HDAC2: variants seen among roughly 807,000 people sequenced by gnomAD.
HDAC2 encodes the protein YY1-associated factor 1.
In HDAC2, 5 loss-of-function variants were observed where a neutral mutation model predicts 68.5. That is an observed-to-expected ratio of 0.07 (90% CI 0.04 to 0.15). HDAC2 has a LOEUF of 0.15. HDAC2 is among the 10% of genes least tolerant of loss of function. HDAC2 has a pLI of 1.00. For missense variants in HDAC2, 291 were observed against 600.8 expected (o/e 0.48, Z 5.39); for synonymous variants, 182 against 191.3 (o/e 0.95, Z 0.40).
intron 1 of HDAC2, among the ~76,000 whole-genome samples, chr6:113,963,523 A>C (rs1776740791): frequency 6.6e-6 from 1 of 152,216 alleles, no homozygotes. Flanking sequence ...GATTATCCCT[A>C]ATCCAAAAAT....
At chr6:113,951,413 T>C (rs1377164505) in intron 6 of HDAC2, among the ~76,000 whole-genome samples, 2 of 151,890 alleles carry the variant, frequency 1.3e-5, no homozygotes, top group Non-Finnish European at 2.9e-5. Flanking sequence ...TACGAAGTTA[T>C]GGGGACATGC....
chr6:113,953,041 A>C (rs1356383139), intron 6 of HDAC2, among the ~76,000 whole-genome samples: 5 of 152,216 alleles, frequency 3.3e-5, no homozygotes, highest in East Asian at 1.9e-4. Context: ...ATATTCAAAA[A>C]CATTTATTCA....
chr6:113,955,105 TC>T (rs1776517897), intron 5 of HDAC2, among the ~76,000 whole-genome samples: 2 of 152,188 alleles, frequency 1.3e-5, no homozygotes, highest in Non-Finnish European at 2.9e-5. Flanking sequence ...AATATAAACT[TC>T]CAAGGTCATT....
intron 1 of HDAC2, 194 bp downstream of exon 1, chr6:113,970,663 G>C: frequency 7.4e-7 from 1 of 1,349,884 alleles, no homozygotes; most frequent in Non-Finnish European, 9.4e-7. Flanking sequence ...ATTCCCGCCC[G>C]CAGGAACCGC....
chr6:113,966,398 A>G (rs1432467503), intron 1 of HDAC2, among the ~76,000 whole-genome samples: 2 of 152,050 alleles, frequency 1.3e-5, no homozygotes, highest in Non-Finnish European at 2.9e-5. Flanking sequence ...TAAAAAATAC[A>G]AAAATTAGCC....
intron 9 of HDAC2, 129 bp from the exon 10 acceptor site, chr6:113,945,599 G>T: frequency 1.5e-6 from 1 of 671,148 alleles, no homozygotes; most frequent in Non-Finnish European, 2.7e-6. Flanking sequence ...CAAAGTGAAT[G>T]TTCTCCTATT....
intron 8 of HDAC2, 28 bp downstream of exon 8, chr6:113,948,951 T>C: frequency 6.2e-7 from 1 of 1,602,262 alleles, no homozygotes. Context: ...CATTTTTTTC[T>C]GGAAATACCA....
chr6:113,961,534 G>A (rs1423081769), intron 1 of HDAC2, among the ~76,000 whole-genome samples: 1 of 152,096 alleles, frequency 6.6e-6, no homozygotes, highest in Non-Finnish European at 1.5e-5. Context: ...GCAGGGCCAT[G>A]GCCCTTTGCA....
Position 113,939,844 on chromosome 6 carries a change from G to C in HDAC2, c.*1214C>G, listed in dbSNP as rs1225699908. The C allele has an allele frequency of 6.6e-6, 1 of 152,172 alleles. No homozygotes were observed. The highest frequency in any genetic ancestry group is 2.4e-5 in the African/African-American group (1 of 41,440). 9.4% of individuals were successfully genotyped at this position (152,172 alleles called of 1,614,324 possible). A position where few individuals can be genotyped will look rare whatever the true frequency, so the allele number is the denominator to read the frequency against. The stretch of plus-strand genomic sequence containing the variant: ...ATTACAAAAGTCTAGGTGCTATTGT[G>C]AATGTCTGAAACATTTAAGAGGCTT... On this transcript the variant is annotated 3_prime_UTR_variant, in exon 14 of 14. Coordinates refer to ENST00000519065, the MANE Select transcript of HDAC2 (RefSeq NM_001527.4).
chr6:113,951,737 G>A (rs1264554441), intron 6 of HDAC2, among the ~76,000 whole-genome samples: 1 of 152,136 alleles, frequency 6.6e-6, no homozygotes, highest in African/African-American at 2.4e-5. Context: ...AAAGTGCTGG[G>A]ATTACAGGCG....
intron 4 of HDAC2, 185 bp from the exon 5 acceptor site, chr6:113,956,336 C>G: frequency 1.8e-6 from 1 of 567,554 alleles, no homozygotes; most frequent in African/African-American, 1.9e-5. Context: ...GAGCTGCAAC[C>G]TGAGATTAAA....
rs771459818 is a variant in HDAC2 at position 113,956,683 on chromosome 6, T to C, written c.294A>G (p.Gly98=). The part of the protein sequence containing the change: ...YSKQMQRFNV[G]EDCPVFDGLF... ...GTCCATCAAACACTGGACAATCTTCTCCAACATTAACTGTGGAAGATGGAT... is the reference window on the plus strand; with the variant it reads ...GTCCATCAAACACTGGACAATCTTCCCCAACATTAACTGTGGAAGATGGAT... Residue 98 remains glycine, a synonymous_variant, in exon 4 of 14, where the codon GGA becomes GGG. Transcript: ENST00000519065. 1 of 1,610,284 alleles carries C rather than the reference T, an allele frequency of 6.2e-7. No individual in the cohort carries two copies. Among genetic ancestry groups the C allele is most frequent in the South Asian group, 1.1e-5 (1 of 90,952 alleles).
intron 2 of HDAC2, 117 bp from the exon 3 acceptor site, chr6:113,958,883 A>G (rs943115416): frequency 2.8e-6 from 2 of 715,994 alleles, no homozygotes; most frequent in African/African-American, 3.6e-5. Context: ...CTACCAGAAC[A>G]AAATATATAA....
chr6:113,944,771 A>C (rs1319166605), intron 10 of HDAC2, among the ~76,000 whole-genome samples: 1 of 152,174 alleles, frequency 6.6e-6, no homozygotes, highest in Non-Finnish European at 1.5e-5. Flanking sequence ...TAGGATTACA[A>C]GCATAAGCCA....
chr6:113,965,407 C>T (rs1362902240), intron 1 of HDAC2, among the ~76,000 whole-genome samples: 4 of 151,678 alleles, frequency 2.6e-5, no homozygotes, highest in African/African-American at 9.7e-5. Context: ...TTGCCACCCA[C>T]CCAGGCTGGA....
chr6:113,960,353 C>T (rs1776653596), intron 1 of HDAC2, among the ~76,000 whole-genome samples: 1 of 151,986 alleles, frequency 6.6e-6, no homozygotes, highest in South Asian at 2.1e-4. Context: ...AATTCACATG[C>T]TTTTAAGTTC....
Position 113,956,157 on chromosome 6 carries a change from A to C in HDAC2, c.359-6T>G. ...GTTTAACTTCACAGCTCCAGCTAAG[A>C]AGTAGAAACAAGATAGACCTTTTAA... On this transcript the variant is annotated splice_polypyrimidine_tract_variant and splice_region_variant and intron_variant, in intron 4 of 13. Coordinates refer to ENST00000519065, the MANE Select transcript of HDAC2 (RefSeq NM_001527.4). The C allele has an allele frequency of 1.3e-6, 2 of 1,594,418 alleles. No homozygotes were observed. Among genetic ancestry groups the C allele is most frequent in the Non-Finnish European group, 1.7e-6 (2 of 1,173,920 alleles).
intron 5 of HDAC2, among the ~76,000 whole-genome samples, chr6:113,955,761 T>A (rs1416470843): frequency 1.3e-5 from 2 of 152,198 alleles, no homozygotes; most frequent in Non-Finnish European, 2.9e-5. Context: ...TCCGCCCACC[T>A]CAGCCTCCCA....
At chr6:113,941,166 G>T in intron 13 of HDAC2, 78 bp from the exon 14 acceptor site, 1 of 1,021,360 alleles carries the variant, frequency 9.8e-7, no homozygotes, top group Non-Finnish European at 1.5e-6. Flanking sequence ...TATTGATCAG[G>T]TCCTGTAGGC....
Sources: gnomAD v4.1 joint callset for allele counts (sites outside exome capture counted in the v4.1 genomes callset) on GRCh38, gnomAD v4.1.1 for gene constraint, MANE v1.5 for transcripts, NCBI Gene and HGNC (gene_info 2026-07-23, HGNC 2026-07-21) for gene names.